TRIM49: variants seen among roughly 807,000 people sequenced by gnomAD.
TRIM49 encodes the protein tripartite motif-containing protein 49.
TRIM49 carries 5 observed loss-of-function variants against 27.4 expected under a neutral mutation model. The observed-to-expected ratio is 0.18, with a 90% confidence interval of 0.10 to 0.38. The LOEUF is 0.38. TRIM49 is among the 10% of genes least tolerant of loss of function. TRIM49 has a pLI of 1.00. For synonymous variants in TRIM49, 69 were observed against 166.0 expected, an observed-to-expected ratio of 0.42 and a Z score of 4.49; for missense variants, 188 against 487.5, an observed-to-expected ratio of 0.39 and a Z score of 5.79.
chr11:89,792,992 T>G (rs200336535), downstream of TRIM49, among the ~76,000 whole-genome samples: 1 of 151,790 alleles, frequency 6.6e-6, no homozygotes, highest in African/African-American at 2.4e-5. Context: ...ATTGATAGAC[T>G]GCTAGCAAGA....
chr11:89,783,461 ATTATGTTAGGGT>A, the TRIM49 span, among the ~76,000 whole-genome samples: 1 of 109,984 alleles, frequency 9.1e-6, no homozygotes, highest in African/African-American at 4.1e-5. Flanking sequence ...AGATAATACT[ATTATGTTAGGGT>A]TTAAAATAAT....
At chr11:89,796,070 C>T (rs1949686025), downstream of TRIM49, among the ~76,000 whole-genome samples, 1 of 151,792 alleles carries the variant, frequency 6.6e-6, no homozygotes, top group African/African-American at 2.4e-5. Context: ...TTCATCCTCA[C>T]TTACTCTAAT....
chr11:89,794,834 A>G (rs1434804190), downstream of TRIM49, among the ~76,000 whole-genome samples: 5 of 143,598 alleles, frequency 3.5e-5, no homozygotes, highest in African/African-American at 7.8e-5. Context: ...ATGGGCAAGA[A>G]CTTCATGTCT....
At chr11:89,796,020 A>C (rs1327298129), downstream of TRIM49, among the ~76,000 whole-genome samples, 1 of 151,832 alleles carries the variant, frequency 6.6e-6, no homozygotes, top group South Asian at 2.1e-4. Flanking sequence ...GAGACTATTC[A>C]TAGCAGATTC....
chr11:89,777,486 G>A, the TRIM49 span: 59 of 1,478,546 alleles, frequency 4.0e-5, 3 homozygotes, highest in African/African-American at 7.2e-4. Flanking sequence ...GATGATGGAG[G>A]TGGTGATTAT....
chr11:89,787,805 G>A, the TRIM49 span: 60 of 524,426 alleles, frequency 1.1e-4, 1 homozygote, highest in Non-Finnish European at 1.7e-4. Flanking sequence ...CAAGGTGCAG[G>A]AGAAGCGCCC....
intron 6 of TRIM49, among the ~76,000 whole-genome samples, chr11:89,800,244 C>T (rs567639643): frequency 3.3e-5 from 5 of 151,580 alleles, no homozygotes; most frequent in Non-Finnish European, 7.4e-5. Context: ...TCCCTAGAGA[C>T]TTACACAGTT....
the TRIM49 span, among the ~76,000 whole-genome samples, chr11:89,782,785 C>G: frequency 3.1e-5 from 4 of 127,938 alleles, no homozygotes; most frequent in Admixed American, 8.1e-5. Context: ...CACCCTCCCC[C>G]ATTCCTTCAG....
the TRIM49 span, among the ~76,000 whole-genome samples, chr11:89,792,631 C>T: frequency 6.6e-6 from 1 of 152,120 alleles, no homozygotes. Context: ...GAACAACCTG[C>T]TCCTGAATGA....
At chr11:89,804,580 T>C in intron 2 of TRIM49, 107 bp from the exon 3 acceptor site, 2 of 1,087,914 alleles carry the variant, frequency 1.8e-6, no homozygotes, top group Non-Finnish European at 1.3e-6. Context: ...ACAGTGTTCA[T>C]TAAAGTACAA....
the TRIM49 span, chr11:89,768,288 T>C: frequency 6.7e-7 from 1 of 1,497,168 alleles, no homozygotes; most frequent in Non-Finnish European, 9.0e-7. Flanking sequence ...GACTCACTCC[T>C]GCAAGGAAGT....
downstream of TRIM49, among the ~76,000 whole-genome samples, chr11:89,796,533 G>C (rs1217348660): frequency 7.1e-6 from 1 of 141,740 alleles, no homozygotes; most frequent in African/African-American, 2.9e-5. Context: ...ACCATGCCTG[G>C]GCTCCTATTT....
chr11:89,803,842 GAGGGGGCCCAGAATGAGAGACAA>G (rs1268747108), intron 3 of TRIM49, 49 bp from the exon 4 acceptor site: 1 of 910,084 alleles, frequency 1.1e-6, no homozygotes, highest in Non-Finnish European at 1.7e-6. Flanking sequence ...ATGACATAGG[GAGGGGGCCCAGAATGAGAGACAA>G]ATAAGCCCCT....
At chr11:89,783,743 T>C in the TRIM49 span, among the ~76,000 whole-genome samples, 1 of 147,032 alleles carries the variant, frequency 6.8e-6, no homozygotes, top group Non-Finnish European at 1.5e-5. Flanking sequence ...AATTCTATAA[T>C]AGAATGTAAT....
intron 1 of TRIM49, 126 bp from the exon 2 acceptor site, chr11:89,807,410 T>A (rs1230106318): frequency 6.6e-6 from 1 of 151,594 alleles, no homozygotes; most frequent in Non-Finnish European, 1.5e-5. Context: ...ATCATCACAC[T>A]TTCATTCTGA....
At chr11:89,779,247 GTATATGCCCTAGT>G in the TRIM49 span, among the ~76,000 whole-genome samples, 1 of 4,930 alleles carries the variant, frequency 2.0e-4, no homozygotes, top group Non-Finnish European at 2.9e-4. Context: ...TAATATCCAT[GTATATGCCCTAGT>G]TCCTCCTCAC....
intron 6 of TRIM49, among the ~76,000 whole-genome samples, chr11:89,800,467 G>T (rs1273194181): frequency 2.6e-5 from 4 of 151,724 alleles, no homozygotes; most frequent in Non-Finnish European, 5.9e-5. Flanking sequence ...TCAGGGGCCG[G>T]GCGCGGTGGT....
chr11:89,793,569 C>CATGAGACTATTCA (rs1565443822), downstream of TRIM49, among the ~76,000 whole-genome samples: 1 of 152,132 alleles, frequency 6.6e-6, no homozygotes, highest in East Asian at 2.0e-4. Context: ...GGATCCAAGG[C>CATGAGACTATTCA]TGGTTCAACA....
the TRIM49 span, chr11:89,785,879 G>A: frequency 4.2e-5 from 6 of 144,548 alleles, no homozygotes; most frequent in East Asian, 2.1e-4. Flanking sequence ...AGTAGTGAGA[G>A]GCAGGGACCT....
Sources: gnomAD v4.1 joint callset for allele counts (sites outside exome capture counted in the v4.1 genomes callset) on GRCh38, gnomAD v4.1.1 for gene constraint, MANE v1.5 for transcripts, NCBI Gene and HGNC (gene_info 2026-07-23, HGNC 2026-07-21) for gene names.